The following PTBP1 variants were observed in gnomAD, a reference collection of about 807,000 sequenced individuals.
The protein encoded by PTBP1 is polypyrimidine tract binding protein 1.
Under a neutral mutation model 59.8 loss-of-function variants are expected in PTBP1, and 8 were observed. That is an observed-to-expected ratio of 0.13 (90% confidence interval 0.08 to 0.24). PTBP1 has a LOEUF of 0.24. Among genes scored for constraint, PTBP1 ranks in the 10% least tolerant of loss-of-function variants. The probability of loss-of-function intolerance (pLI) is 1.00; values close to 1 mark genes in which losing one functional copy is unlikely to be tolerated. For missense variants in PTBP1, 686 were observed against 767.0 expected, an observed-to-expected ratio of 0.89 and a Z score of 1.25; for synonymous variants, 490 against 320.7, an observed-to-expected ratio of 1.53 and a Z score of -5.64.
intron 8 of PTBP1, 91 bp downstream of exon 8, chr19:805,278 A>T: frequency 6.8e-7 from 1 of 1,462,058 alleles, no homozygotes; most frequent in Non-Finnish European, 9.4e-7. Flanking sequence ...CCGGCCCTGC[A>T]CCAGGGTGAT....
At chr19:810,438 C>G in intron 13 of PTBP1, 105 bp from the exon 14 acceptor site, 1 of 926,368 alleles carries the variant, frequency 1.1e-6, no homozygotes, top group Middle Eastern at 2.8e-4. Flanking sequence ...AGGCCCTACG[C>G]CTTCCCCGGC....
chr19:798,226 C>T (rs1316813892), intron 1 of PTBP1, among the ~76,000 whole-genome samples: 1 of 152,074 alleles, frequency 6.6e-6, no homozygotes, highest in East Asian at 1.9e-4. Context: ...CCGCGGGCGC[C>T]GTCATGGGGA....
chr19:807,257 C>T (rs1369609012), intron 10 of PTBP1: 2 of 152,794 alleles, frequency 1.3e-5, no homozygotes, highest in South Asian at 2.1e-4. Context: ...TGTAATCGTC[C>T]TTAGAGACTG....
chr19:805,378 C>G, intron 8 of PTBP1, 114 bp from the exon 9 acceptor site: 2 of 1,235,614 alleles, frequency 1.6e-6, no homozygotes, highest in Non-Finnish European at 2.3e-6. Context: ...CGGATCTGCC[C>G]GCGAAGGCTC....
At position 805,140 on chromosome 19, in the gene PTBP1, C is replaced by T; in HGVS notation, c.845C>T (p.Ser282Phe). The change falls in exon 8 of 15, where the codon TCC becomes TTC. Residue 282 changes from serine to phenylalanine, a missense_variant. By Grantham distance (155) the Ser-to-Phe change is radical. Transcript: ENST00000356948. Reference sequence around the variant, plus strand: ...GACTACACACGCCCAGACCTGCCTTCCGGGGACAGCCAGCCCTCGCTGGAC... The same window carrying T: ...GACTACACACGCCCAGACCTGCCTTTCGGGGACAGCCAGCCCTCGCTGGAC... Reference protein sequence around the residue: ...SRDYTRPDLPSGDSQPSLDQT... With the variant: ...SRDYTRPDLPFGDSQPSLDQT... 1.2e-6 allele frequency: 2 copies of T among 1,613,768 alleles called. No individual in the cohort carries two copies. Among genetic ancestry groups the T allele is most frequent in the South Asian group, 1.1e-5 (1 of 91,090 alleles).
chr19:808,849 G>A lies in PTBP1; in HGVS notation c.1463+87G>A. On this transcript the variant is annotated intron_variant, in intron 13 of 14. Coordinates refer to ENST00000356948, the MANE Select transcript of PTBP1 (RefSeq NM_002819.5). This position sits in a 1 kb window ranked among gnomAD's most constrained non-coding sequence, Gnocchi z 4.7. ...CTACCGCGTCGGTGTGTGGACTTCT[G>A]GCGTTTCCAGAGTGCAGGTCGGGCA... is the stretch of plus-strand genomic sequence containing the variant. 1 of 1,316,140 alleles carries A rather than the reference G, an allele frequency of 7.6e-7. No homozygotes were observed. Among genetic ancestry groups the A allele is most frequent in the South Asian group, 1.3e-5 (1 of 77,958 alleles). The allele number at this position is 1,316,140 out of a possible 1,614,324, so 81.5% of individuals were successfully genotyped here. A position where few individuals can be genotyped will look rare whatever the true frequency, so the allele number is the denominator to read the frequency against.
chr19:805,397 C>A, intron 8 of PTBP1, 95 bp from the exon 9 acceptor site: 3 of 1,331,654 alleles, frequency 2.3e-6, no homozygotes, highest in Non-Finnish European at 2.1e-6. Context: ...TCTGCCGGGG[C>A]CGCCCGCCGG....
rs2034467369 is a variant in PTBP1, at chr19:804,378, C to T, written c.375C>T (p.Pro125=). 2 of 1,612,978 alleles carry T rather than the reference C, an allele frequency of 1.2e-6. No homozygotes were observed. The highest frequency in any genetic ancestry group is 1.7e-6 in the Non-Finnish European group (2 of 1,180,008). ...TGACCCCTGTGCTGCGCGGCCAGCC[C>T]ATCTACATCCAGTTCTCCAACCACA... is the stretch of plus-strand genomic sequence containing the variant. ...TSVTPVLRGQ[P]IYIQFSNHKE... is the part of the protein sequence containing the mutation. Residue 125 remains proline (P), a synonymous_variant, in exon 5 of 15, where the codon CCC becomes CCT. Transcript: ENST00000356948.
intron 2 of PTBP1, among the ~76,000 whole-genome samples, chr19:802,961 G>A (rs1568266171): frequency 6.6e-6 from 1 of 152,260 alleles, no homozygotes; most frequent in East Asian, 1.9e-4. Flanking sequence ...CACTGGGCGG[G>A]AGGCCGTGTC....
At chr19:802,606 G>A (rs1332481307) in intron 2 of PTBP1, among the ~76,000 whole-genome samples, 2 of 152,230 alleles carry the variant, frequency 1.3e-5, no homozygotes, top group African/African-American at 2.4e-5. Context: ...TGGGGGGCCT[G>A]GGCGTTGCTG....
rs1028022970 is a variant in PTBP1, at chr19:811,372, C to G, written c.*546C>G. 2 of 151,498 alleles carry G rather than the reference C, an allele frequency of 1.3e-5. No homozygotes were observed. Among genetic ancestry groups the G allele is most frequent in the African/African-American group, 2.5e-5 (1 of 40,516 alleles). 9.4% of individuals were successfully genotyped at this position (151,498 alleles called of 1,614,324 possible). ...CTTCACCCCGCCCCCAGGGCCTTCCCTTCTGCCCCCAGGCGGGCTCCCCGC... is the reference window on the plus strand; with the variant it reads ...CTTCACCCCGCCCCCAGGGCCTTCCGTTCTGCCCCCAGGCGGGCTCCCCGC... On this transcript the variant is annotated 3_prime_UTR_variant, in exon 15 of 15. Transcript: ENST00000356948.
rs755200424 is a variant in PTBP1, at chr19:804,253, G to A, written c.289-39G>A. On this transcript the variant is annotated intron_variant, in intron 4 of 14. Coordinates refer to ENST00000356948, the MANE Select transcript of PTBP1 (RefSeq NM_002819.5). ...CCGGGGTGCTCACACCGTGCAGGCG[G>A]GGACGAGGAGGGCCCAGCGCTCACT... The A allele has an allele frequency of 1.9e-6, 3 of 1,611,752 alleles. No individual in the cohort carries two copies. In the African/African-American group the frequency reaches 4.0e-5, roughly 22 times the overall value.
At chr19:801,334 T>C (rs1888664692) in intron 2 of PTBP1, among the ~76,000 whole-genome samples, 1 of 152,236 alleles carries the variant, frequency 6.6e-6, no homozygotes, top group South Asian at 2.1e-4. Flanking sequence ...CCTTCCGTTC[T>C]GCTGGGGCGC....
intron 13 of PTBP1, among the ~76,000 whole-genome samples, chr19:809,653 G>T (rs981025470): frequency 5.9e-5 from 9 of 152,196 alleles, no homozygotes; most frequent in Admixed American, 2.6e-4. Context: ...GTACTGTGGG[G>T]GGCCGGGCAG....
rs548087183 is a variant in PTBP1, at chr19:812,091, A to G, written c.*1265A>G. On this transcript the variant is annotated 3_prime_UTR_variant, in exon 15 of 15. Transcript: ENST00000356948. ...CGGTTTTTTATGGTGACACAAATGT[A>G]TATTTTGCTAACAGCAATTCCAGGC... 1 of 152,384 alleles carries G rather than the reference A, an allele frequency of 6.6e-6. No homozygotes were observed. Among genetic ancestry groups the G allele is most frequent in the Non-Finnish European group, 1.5e-5 (1 of 68,026 alleles). 9.4% of individuals were successfully genotyped at this position (152,384 alleles called of 1,614,324 possible).
At chr19:803,286 G>A (rs535539859) in intron 2 of PTBP1, among the ~76,000 whole-genome samples, 2 of 152,324 alleles carry the variant, frequency 1.3e-5, no homozygotes, top group South Asian at 2.1e-4. Flanking sequence ...GGTGCCCTCC[G>A]TAGCTGAGAG....
rs1483022442 is a variant in PTBP1, at chr19:811,012, C to T, written c.*186C>T. On this transcript the variant is annotated 3_prime_UTR_variant, in exon 15 of 15. Transcript: ENST00000356948. The stretch of plus-strand genomic sequence containing the variant: ...CTTGCTCACCCTGCGGTGACAGGGA[C>T]AGCTCAGGCTCTTGGTGACTGTGGC... The T allele has an allele frequency of 6.6e-6, 4 of 603,236 alleles. No individual in the cohort carries two copies. The highest frequency in any genetic ancestry group is 2.0e-5 in the African/African-American group (1 of 50,970). The allele number at this position is 603,236 out of a possible 1,614,324, so 37.4% of individuals were successfully genotyped here.
At chr19:806,631 C>T in intron 10 of PTBP1, 75 bp downstream of exon 10, 4 of 1,374,302 alleles carry the variant, frequency 2.9e-6, no homozygotes, top group Admixed American at 6.7e-5. Flanking sequence ...GGGCTCGGGT[C>T]CCGGAGCAGC....
At chr19:802,224 C>T (rs886427373) in intron 2 of PTBP1, among the ~76,000 whole-genome samples, 12 of 152,190 alleles carry the variant, frequency 7.9e-5, no homozygotes, top group African/African-American at 2.2e-4. Flanking sequence ...TCTTGCCGTC[C>T]GCGTCGGGAG....
Sources: allele counts gnomAD v4.1 joint callset (sites outside exome capture counted in the v4.1 genomes callset), GRCh38; gene constraint gnomAD v4.1.1; non-coding constraint Gnocchi (gnomAD v3.1); transcripts MANE v1.5; gene names NCBI Gene and HGNC (gene_info 2026-07-23, HGNC 2026-07-21).